Variants in COL5A2 observed in about 807,000 individuals in gnomAD.
The protein encoded by COL5A2 is collagen type V alpha 2 chain.
Under a neutral mutation model 208.2 loss-of-function variants are expected in COL5A2, and 23 were observed. The ratio of observed to expected loss-of-function variants is 0.11; its 90% confidence interval spans 0.08 to 0.16. The LOEUF is 0.16. Among genes scored for constraint, COL5A2 ranks in the 10% least tolerant of loss-of-function variants. COL5A2 has a pLI of 1.00. For missense variants in COL5A2, 1,590 were observed against 1,956.4 expected (o/e 0.81, Z 3.53); for synonymous variants, 625 against 628.5 (o/e 0.99, Z 0.08).
At chr2:189,053,318 T>A in intron 38 of COL5A2, 106 bp downstream of exon 38, 1 of 1,061,652 alleles carries the variant, frequency 9.4e-7, no homozygotes. Flanking sequence ...TCTAGAAAAC[T>A]GTAAATTTTC....
At chr2:189,110,114 A>G in intron 2 of COL5A2, 111 bp downstream of exon 2, 1 of 865,886 alleles carries the variant, frequency 1.2e-6, no homozygotes. Flanking sequence ...AAAGCCACCA[A>G]AAAAGCTGCT....
chr2:189,057,328 C>A lies in COL5A2; in HGVS notation c.2329G>T (p.Gly777Cys), dbSNP rs1316834468. 2 of 1,583,098 alleles carry A rather than the reference C, an allele frequency of 1.3e-6. No individual in the cohort carries two copies. Among genetic ancestry groups the A allele is most frequent in the East Asian group, 4.5e-5 (2 of 44,664 alleles). The change falls in exon 34 of 54, where the codon GGT becomes TGT. Residue 777 changes from glycine (G) to cysteine (C), a missense_variant. Transcript: ENST00000374866. ...RGIAGTPGPK[G>C]DRGGIGEKGA... Reference sequence around the variant, plus strand: ...AAAAAAAAAGGACTTACTCTGTCACCCTTGGGGCCAGGAGTTCCTGCAATT... The same window carrying A: ...AAAAAAAAAGGACTTACTCTGTCACACTTGGGGCCAGGAGTTCCTGCAATT...
chr2:189,129,510 T>G (rs923436701), intron 1 of COL5A2, among the ~76,000 whole-genome samples: 11 of 152,002 alleles, frequency 7.2e-5, no homozygotes, highest in Non-Finnish European at 1.2e-4. Flanking sequence ...AAATAATAAT[T>G]TTATGTCAAA....
chr2:189,162,555 T>C (rs923850702), intron 1 of COL5A2, among the ~76,000 whole-genome samples: 3 of 152,222 alleles, frequency 2.0e-5, no homozygotes, highest in Non-Finnish European at 4.4e-5. Context: ...TGCTTTACGA[T>C]GACCAAAGTA....
intron 44 of COL5A2, 65 bp downstream of exon 44, chr2:189,049,282 A>G: frequency 1.8e-6 from 2 of 1,137,254 alleles, no homozygotes; most frequent in Non-Finnish European, 2.6e-6. Context: ...CAATTGCTAA[A>G]TGAAAAAAAT....
At chr2:189,289,795 T>G in the COL5A2 span, among the ~76,000 whole-genome samples, 2 of 152,174 alleles carry the variant, frequency 1.3e-5, no homozygotes, top group African/African-American at 4.8e-5. Flanking sequence ...TCATTTATAT[T>G]AGCTACCAAA....
chr2:189,335,315 T>C, the COL5A2 span, among the ~76,000 whole-genome samples: 1 of 151,884 alleles, frequency 6.6e-6, no homozygotes, highest in Non-Finnish European at 1.5e-5. Context: ...CAACAACAAA[T>C]ATTGGCAAAG....
chr2:189,286,881 T>C, the COL5A2 span, among the ~76,000 whole-genome samples: 11 of 152,186 alleles, frequency 7.2e-5, no homozygotes, highest in African/African-American at 2.4e-4. Flanking sequence ...AGTTCCTTTG[T>C]AGGAAGAAAT....
chr2:189,368,795 G>A, the COL5A2 span, among the ~76,000 whole-genome samples: 2 of 152,048 alleles, frequency 1.3e-5, no homozygotes, highest in Non-Finnish European at 2.9e-5. Flanking sequence ...TGAATGATTC[G>A]GATTTCTACA....
the COL5A2 span, among the ~76,000 whole-genome samples, chr2:189,276,189 G>C: frequency 3.5e-4 from 54 of 152,150 alleles, no homozygotes; most frequent in African/African-American, 1.3e-3. Flanking sequence ...GCAGTAATCT[G>C]TCTCACACAC....
At chr2:189,387,838 G>A in the COL5A2 span, among the ~76,000 whole-genome samples, 1 of 152,190 alleles carries the variant, frequency 6.6e-6, no homozygotes, top group African/African-American at 2.4e-5. Flanking sequence ...AAGATGGGGT[G>A]CAATGGTATA....
At chr2:189,118,529 A>G (rs184617305) in intron 1 of COL5A2, among the ~76,000 whole-genome samples, 4 of 152,262 alleles carry the variant, frequency 2.6e-5, no homozygotes, top group Admixed American at 1.3e-4. Flanking sequence ...GCCTTGAGCA[A>G]GTTGAAATTT....
At chr2:189,364,761 G>T in the COL5A2 span, among the ~76,000 whole-genome samples, 7 of 151,786 alleles carry the variant, frequency 4.6e-5, no homozygotes, top group Non-Finnish European at 1.0e-4. Flanking sequence ...TAATAGAAGT[G>T]CATTCTGCAA....
chr2:189,403,664 A>G, the COL5A2 span, among the ~76,000 whole-genome samples: 1 of 152,118 alleles, frequency 6.6e-6, no homozygotes, highest in African/African-American at 2.4e-5. Context: ...TTCTGCATCT[A>G]TTGAGATAAT....
At chr2:189,056,693 A>G in intron 35 of COL5A2, 1 of 490,604 alleles carries the variant, frequency 2.0e-6, no homozygotes, top group Non-Finnish European at 3.7e-6. Context: ...TTGTGTATGA[A>G]ATAAAAAGAT....
intron 43 of COL5A2, among the ~76,000 whole-genome samples, 154 bp from the exon 44 acceptor site, chr2:189,049,608 TA>T (rs1237084153): frequency 5.9e-5 from 9 of 152,230 alleles, no homozygotes; most frequent in Non-Finnish European, 1.3e-4. Context: ...AATGCTTTCT[TA>T]GAGGCCTGCC....
rs1173293989 is a variant in COL5A2, at chr2:189,049,387, G to C, written c.3107C>G (p.Pro1036Arg). The change falls in exon 44 of 54, where the codon CCC becomes CGC. Residue 1036 changes from proline (P) to arginine (R), a missense_variant. Physicochemically the swap from Pro to Arg is moderately radical, Grantham distance 103 (BLOSUM62 -2). Coordinates refer to ENST00000374866, the MANE Select transcript of COL5A2 (RefSeq NM_000393.5). ...GDKGPPGPVGPPGSNGPVGEP... is the reference protein window; with the variant it reads ...GDKGPPGPVGRPGSNGPVGEP... ...CCCTACAGGACCATTGGAGCCTGGGGGCCCCACAGGTCCAGGTGGACCTTT... is the reference window on the plus strand; with the variant it reads ...CCCTACAGGACCATTGGAGCCTGGGCGCCCCACAGGTCCAGGTGGACCTTT... 4 of 1,613,526 alleles carry C rather than the reference G, an allele frequency of 2.5e-6. No individual in the cohort carries two copies. In the South Asian group the frequency reaches 4.4e-5, roughly 18 times the overall value.
At chr2:189,064,518 T>C (rs1686103120) in intron 25 of COL5A2, 39 bp downstream of exon 25, 1 of 1,424,112 alleles carries the variant, frequency 7.0e-7, no homozygotes, top group Non-Finnish European at 9.9e-7. Context: ...CAGGAGCACT[T>C]CTCCCCTTTG....
Position 189,052,629 on chromosome 2 carries a change from T to C in COL5A2, c.2715+120A>G, listed in dbSNP as rs1052748284. ...AAGTGCCCTTTGCACTATAGTACAG[T>C]TGATACAGGTAATAATTTGTTATTT... On this transcript the variant is annotated intron_variant, in intron 40 of 53. Coordinates refer to ENST00000374866, the MANE Select transcript of COL5A2 (RefSeq NM_000393.5). The C allele has an allele frequency of 1.4e-5, 14 of 1,010,874 alleles. No individual in the cohort carries two copies. The East Asian group carries it at 1.5e-4, about 11-fold the overall frequency. The allele number at this position is 1,010,874 out of a possible 1,614,324, so 62.6% of individuals were successfully genotyped here.
Sources: gnomAD v4.1 joint callset for allele counts (sites outside exome capture counted in the v4.1 genomes callset) on GRCh38, gnomAD v4.1.1 for gene constraint, MANE v1.5 for transcripts, NCBI Gene and HGNC (gene_info 2026-07-23, HGNC 2026-07-21) for gene names.